Variants in CLDN14 observed in about 807,000 individuals in gnomAD.
CLDN14 encodes claudin-14.
CLDN14 carries 2 observed loss-of-function variants against 2.1 expected under a neutral mutation model. The observed-to-expected ratio is 0.96, with a 90% CI of 0.39 to 3.01. The LOEUF (loss-of-function observed/expected upper bound fraction) is 3.01, where lower values mean the gene tolerates loss of function less well. Ranked by LOEUF, CLDN14 falls within the 30% of genes most tolerant of loss-of-function variation. The pLI is 0.09. For synonymous variants in CLDN14, 136 were observed against 154.4 expected (o/e 0.88, Z 0.88); for missense variants, 298 against 328.0 (o/e 0.91, Z 0.71).
intron 2 of CLDN14, among the ~76,000 whole-genome samples, chr21:36,490,268 A>G (rs1359440331): frequency 8.5e-5 from 13 of 152,082 alleles, no homozygotes; most frequent in Admixed American, 8.5e-4. Flanking sequence ...CAATGGCTCG[A>G]CCGTGGGTCA....
intron 1 of CLDN14, among the ~76,000 whole-genome samples, chr21:36,565,512 C>T (rs73377087): frequency 0.013 from 1,920 of 151,812 alleles, 43 homozygotes; most frequent in African/African-American, 0.044. Flanking sequence ...TAAACTGGTT[C>T]TAAAAGTGGC....
At chr21:36,518,374 G>A (rs1346938750) in intron 1 of CLDN14, among the ~76,000 whole-genome samples, 1 of 152,210 alleles carries the variant, frequency 6.6e-6, no homozygotes, top group African/African-American at 2.4e-5. Flanking sequence ...GCTGAGGCGG[G>A]TGGATCACCT....
chr21:36,522,143 T>C (rs1368068687), intron 1 of CLDN14, among the ~76,000 whole-genome samples: 1 of 152,184 alleles, frequency 6.6e-6, no homozygotes, highest in African/African-American at 2.4e-5. Context: ...CCCTGGCCCC[T>C]GTGCTTATTA....
chr21:36,482,379 T>C (rs543849815), upstream of CLDN14, among the ~76,000 whole-genome samples: 181 of 136,628 alleles, frequency 1.3e-3, 1 homozygote, highest in African/African-American at 5.0e-3. Flanking sequence ...GACGGATGGA[T>C]GGATGGATGG....
chr21:36,470,319 A>G (rs950156294), intron 1 of CLDN14, among the ~76,000 whole-genome samples: 24 of 152,230 alleles, frequency 1.6e-4, no homozygotes, highest in African/African-American at 5.5e-4. Context: ...CCCTAAGCCA[A>G]TAGGGCTGGT....
intron 1 of CLDN14, among the ~76,000 whole-genome samples, chr21:36,554,122 C>G (rs2087581885): frequency 2.0e-5 from 3 of 152,152 alleles, no homozygotes; most frequent in Admixed American, 1.3e-4. Context: ...CCACCCTTTA[C>G]TGACAAACTG....
intron 1 of CLDN14, among the ~76,000 whole-genome samples, chr21:36,535,965 A>G (rs925919040): frequency 1.3e-5 from 2 of 152,228 alleles, no homozygotes; most frequent in Non-Finnish European, 2.9e-5. Context: ...CACCCTCGGA[A>G]AGTACAGGAA....
chr21:36,549,868 C>T (rs1358086591), intron 1 of CLDN14, among the ~76,000 whole-genome samples: 1 of 152,226 alleles, frequency 6.6e-6, no homozygotes, highest in Non-Finnish European at 1.5e-5. Context: ...CACTTTCCCA[C>T]CCCTGTCATG....
At position 36,512,128 on chromosome 21, in the gene CLDN14, C is replaced by T. The variant is rs541372895; in HGVS notation, c.-219-1628G>A. On this transcript the variant is annotated intron_variant, in intron 1 of 2. Coordinates refer to the CLDN14 transcript ENST00000342108. The stretch of plus-strand genomic sequence containing the variant: ...ATGTCTAAGTTTGCAGGTAGCTGAG[C>T]GCTCTAAATTGATGACTAGCTCAGG... Among the ~76,000 whole-genome samples the T allele has an allele frequency of 9.2e-5, 14 of 152,272 alleles. No homozygotes were observed. The East Asian group carries it at 2.3e-3, about 25-fold the overall frequency.
At chr21:36,513,564 G>A (rs2087201567) in intron 1 of CLDN14, among the ~76,000 whole-genome samples, 1 of 152,162 alleles carries the variant, frequency 6.6e-6, no homozygotes, top group African/African-American at 2.4e-5. Flanking sequence ...CCAGTCACAG[G>A]AAGCCCTGTT....
chr21:36,572,387 C>G (rs951667333), intron 1 of CLDN14, among the ~76,000 whole-genome samples: 1 of 114,336 alleles, frequency 8.7e-6, no homozygotes, highest in Non-Finnish European at 2.1e-5. Flanking sequence ...GGGTGACCTT[C>G]CCTCTGCGGA....
chr21:36,514,620 AAAGTGTGTGTGTGTGTGTGT>A (rs1321785785), intron 1 of CLDN14, among the ~76,000 whole-genome samples: 1 of 10,014 alleles, frequency 1.0e-4, no homozygotes, highest in African/African-American at 3.2e-4. Context: ...ATCGTGAGAG[AAAGTGTGTGTGTGTGTGTGT>A]GTGTGTGTGT....
chr21:36,462,388 CG>C (rs1329892203), intron 1 of CLDN14, among the ~76,000 whole-genome samples: 1 of 152,054 alleles, frequency 6.6e-6, no homozygotes, highest in Non-Finnish European at 1.5e-5. Flanking sequence ...GGCAGGAGCA[CG>C]GGCCAGCATC....
At chr21:36,493,397 T>C (rs909078318) in intron 2 of CLDN14, among the ~76,000 whole-genome samples, 14 of 152,010 alleles carry the variant, frequency 9.2e-5, no homozygotes, top group Non-Finnish European at 4.4e-5. Context: ...GTAACATAGG[T>C]TTTTATGTTC....
intron 1 of CLDN14, among the ~76,000 whole-genome samples, chr21:36,523,790 A>G: frequency 5.6e-5 from 1 of 17,794 alleles, no homozygotes; most frequent in Non-Finnish European, 2.4e-4. Context: ...AGAGAAAGAA[A>G]GAAAGAAAGA....
chr21:36,463,345 A>T (rs1256559281), intron 1 of CLDN14, among the ~76,000 whole-genome samples: 1 of 152,254 alleles, frequency 6.6e-6, no homozygotes, highest in Non-Finnish European at 1.5e-5. Context: ...GCTGAGCCTC[A>T]GTTAAGCAGT....
intron 2 of CLDN14, among the ~76,000 whole-genome samples, chr21:36,496,745 G>A (rs1335454037): frequency 2.2e-4 from 1 of 4,446 alleles, no homozygotes; most frequent in Non-Finnish European, 4.8e-4. Context: ...GAGGGAGGAA[G>A]GAAGGGAGGG....
chr21:36,554,826 C>T (rs948455287), intron 1 of CLDN14, among the ~76,000 whole-genome samples: 1 of 152,220 alleles, frequency 6.6e-6, no homozygotes, highest in Admixed American at 6.5e-5. Context: ...TTACCTCCCG[C>T]CCCTGCCTCT....
chr21:36,516,100 CTTTG>C (rs1398963070), intron 1 of CLDN14, among the ~76,000 whole-genome samples: 3 of 152,078 alleles, frequency 2.0e-5, no homozygotes, highest in Non-Finnish European at 2.9e-5. Context: ...TTTCCCTTCT[CTTTG>C]TGCTCACCTG....
Sources: gnomAD v4.1 joint callset for allele counts (sites outside exome capture counted in the v4.1 genomes callset) on GRCh38, gnomAD v4.1.1 for gene constraint, MANE v1.5 for transcripts, NCBI Gene and HGNC (gene_info 2026-07-23, HGNC 2026-07-21) for gene names.